Variants in PRR16 observed in about 807,000 individuals in gnomAD.
PRR16 encodes proline rich 16, also known as protein Largen.
A neutral mutation model predicts 18.2 loss-of-function variants in PRR16; 6 were observed. The observed-to-expected ratio is 0.33, with a 90% CI of 0.18 to 0.65. The LOEUF (loss-of-function observed/expected upper bound fraction) is 0.65, where lower values mean the gene tolerates loss of function less well. PRR16 is among the 30% of genes least tolerant of loss of function. The pLI is 0.74. For synonymous variants in PRR16, 151 were observed against 147.8 expected (o/e 1.02, Z -0.16); for missense variants, 412 against 376.6 (o/e 1.09, Z -0.78).
chr5:120,781,101 CATTT>C, the PRR16 span: 3 of 152,140 alleles, frequency 2.0e-5, no homozygotes, highest in South Asian at 2.1e-4. Context: ...ATTATGTTAA[CATTT>C]ATTTCAACTG....
intron 1 of PRR16, among the ~76,000 whole-genome samples, chr5:120,487,567 T>C (rs918271545): frequency 3.9e-5 from 6 of 152,144 alleles, no homozygotes; most frequent in African/African-American, 1.4e-4. Context: ...TGGGGTTTTC[T>C]AGATATACAA....
At position 120,685,998 on chromosome 5, in the gene PRR16, G is replaced by A. The variant is rs779572744; in HGVS notation, c.204G>A (p.Glu68=). 1.9e-6 allele frequency: 3 copies of A among 1,613,924 alleles called. No homozygotes were observed. The East Asian group carries it at 6.7e-5, about 36-fold the overall frequency. The change falls in exon 2 of 2, where the codon GAG becomes GAA. Residue 68 remains glutamate, a synonymous_variant. Transcript: ENST00000407149. ...CCCTGACCTCTGACCTACAGCTGGA[G>A]GATGAGATGACTGACAGCTCCAAAA... is the stretch of plus-strand genomic sequence containing the variant. ...IDTLTSDLQL[E]DEMTDSSKTD...
At chr5:120,747,964 T>C in the PRR16 span, among the ~76,000 whole-genome samples, 1 of 152,144 alleles carries the variant, frequency 6.6e-6, no homozygotes, top group African/African-American at 2.4e-5. Context: ...CTTCTTTTTA[T>C]AATTATATGA....
intron 1 of PRR16, among the ~76,000 whole-genome samples, chr5:120,562,968 A>G (rs1307699938): frequency 2.0e-5 from 3 of 152,160 alleles, no homozygotes; most frequent in Non-Finnish European, 4.4e-5. Context: ...ACTATTACCA[A>G]TGAGTTTTGT....
At chr5:120,723,176 CTAAAG>C in the PRR16 span, among the ~76,000 whole-genome samples, 2 of 151,660 alleles carry the variant, frequency 1.3e-5, no homozygotes, top group Non-Finnish European at 2.9e-5. Flanking sequence ...GATATGTGAT[CTAAAG>C]TAATTTGTAA....
chr5:120,752,993 A>G, the PRR16 span, among the ~76,000 whole-genome samples: 1 of 142,362 alleles, frequency 7.0e-6, no homozygotes, highest in African/African-American at 2.6e-5. Flanking sequence ...ATTGATGTCA[A>G]ATGTCACACT....
chr5:120,597,549 C>A (rs1365971948), intron 1 of PRR16, among the ~76,000 whole-genome samples: 2 of 151,676 alleles, frequency 1.3e-5, no homozygotes, highest in Non-Finnish European at 3.0e-5. Flanking sequence ...ATATTTATAG[C>A]ATATTCTCAA....
chr5:120,618,255 A>G (rs1295994820), intron 1 of PRR16, among the ~76,000 whole-genome samples: 1 of 152,102 alleles, frequency 6.6e-6, no homozygotes, highest in Non-Finnish European at 1.5e-5. Context: ...TTTTTCTTTA[A>G]TCAGTTGCAT....
intron 1 of PRR16, among the ~76,000 whole-genome samples, chr5:120,583,055 G>A (rs1375200153): frequency 2.0e-5 from 3 of 152,182 alleles, no homozygotes; most frequent in Non-Finnish European, 4.4e-5. Flanking sequence ...GCCCATGTGG[G>A]GCATCTTCAT....
intron 1 of PRR16, among the ~76,000 whole-genome samples, chr5:120,594,426 C>A (rs567436811): frequency 4.0e-5 from 6 of 151,888 alleles, no homozygotes; most frequent in African/African-American, 1.4e-4. Flanking sequence ...AAAATCTCTA[C>A]AATGAAACAC....
intron 1 of PRR16, among the ~76,000 whole-genome samples, chr5:120,668,102 G>A (rs1456462924): frequency 6.6e-6 from 1 of 151,980 alleles, no homozygotes; most frequent in African/African-American, 2.4e-5. Flanking sequence ...TCTCTTTGTA[G>A]GTCACTCAGG....
chr5:120,704,351 T>G, the PRR16 span, among the ~76,000 whole-genome samples: 2 of 152,064 alleles, frequency 1.3e-5, no homozygotes, highest in Non-Finnish European at 1.5e-5. Flanking sequence ...ACTGTTTTCT[T>G]TTTTTCCCTC....
At chr5:120,523,570 GA>G (rs1370671205) in intron 1 of PRR16, among the ~76,000 whole-genome samples, 1 of 151,940 alleles carries the variant, frequency 6.6e-6, no homozygotes, top group Non-Finnish European at 1.5e-5. Flanking sequence ...ATTCACTGAA[GA>G]AAAAATTATT....
chr5:120,516,222 G>C (rs111700148), intron 1 of PRR16, among the ~76,000 whole-genome samples: 29,314 of 151,908 alleles, frequency 0.19, 3,019 homozygotes, highest in Middle Eastern at 0.24. Flanking sequence ...TCAGGAGTTC[G>C]AGACCAGCCT....
At chr5:120,565,333 A>G (rs10478478) in intron 1 of PRR16, among the ~76,000 whole-genome samples, 50,369 of 151,936 alleles carry the variant, frequency 0.33, 8,569 homozygotes, top group African/African-American at 0.38. Context: ...AAAAAACATT[A>G]AGGCCAGGAA....
intron 1 of PRR16, among the ~76,000 whole-genome samples, chr5:120,651,502 C>T (rs1338952102): frequency 2.0e-5 from 3 of 151,976 alleles, no homozygotes; most frequent in Admixed American, 6.6e-5. Flanking sequence ...AATTAATTTT[C>T]ATATAAGGTG....
chr5:120,794,342 A>G, the PRR16 span, among the ~76,000 whole-genome samples: 2 of 152,094 alleles, frequency 1.3e-5, no homozygotes, highest in Non-Finnish European at 2.9e-5. Flanking sequence ...TGTGGCCTAT[A>G]TGGGGCAAGT....
chr5:120,528,673 C>A (rs987919722), intron 1 of PRR16, among the ~76,000 whole-genome samples: 1 of 152,070 alleles, frequency 6.6e-6, no homozygotes, highest in Non-Finnish European at 1.5e-5. Context: ...ATAGTAGAGA[C>A]CCCAAATCCA....
At chr5:120,473,857 A>G (rs1580614427) in intron 1 of PRR16, among the ~76,000 whole-genome samples, 1 of 152,304 alleles carries the variant, frequency 6.6e-6, no homozygotes, top group Admixed American at 6.5e-5. Context: ...TTATAATGGG[A>G]TGAATAGTGA....
Sources: gnomAD v4.1 joint callset for allele counts (sites outside exome capture counted in the v4.1 genomes callset) on GRCh38, gnomAD v4.1.1 for gene constraint, MANE v1.5 for transcripts, NCBI Gene and HGNC (gene_info 2026-07-23, HGNC 2026-07-21) for gene names.